The following GPI variants were observed in gnomAD, a reference collection of about 807,000 sequenced individuals.
GPI encodes the protein D-hexose-6-phosphate anomerase.
In GPI, 56 loss-of-function variants were observed where a neutral mutation model predicts 75.8. The observed-to-expected ratio is 0.74, with a 90% CI of 0.60 to 0.92. GPI has a LOEUF of 0.92. Among genes scored for constraint, GPI ranks in the 40% least tolerant of loss-of-function variants. The pLI, the probability that GPI is intolerant of heterozygous loss-of-function variation, is 0.00. For synonymous variants in GPI, 288 were observed against 285.4 expected (o/e 1.01, Z -0.09); for missense variants, 638 against 741.0 (o/e 0.86, Z 1.61).
In GPI at chr19:34,400,102, C is replaced by T. The variant is rs113948644; in HGVS notation, c.*66C>T. On this transcript the variant is annotated 3_prime_UTR_variant, in exon 18 of 18. Coordinates refer to ENST00000356487, the MANE Select transcript of GPI (RefSeq NM_000175.5). ...TCTTCTCGTCCCTCCTCCCCGGAGC[C>T]GGCACTGCATGTTCCTGGACACCAC... is the stretch of plus-strand genomic sequence containing the variant. The T allele has an allele frequency of 1.1e-4, 165 of 1,534,122 alleles. No homozygotes were observed. The highest frequency in any genetic ancestry group is 1.4e-4 in the Non-Finnish European group (154 of 1,121,110).
At chr19:34,362,948 C>A (rs1038366912), upstream of GPI, among the ~76,000 whole-genome samples, 2 of 152,150 alleles carry the variant, frequency 1.3e-5, no homozygotes, top group African/African-American at 4.8e-5. Flanking sequence ...AGACAAAGAA[C>A]AACAGCCGTC....
At chr19:34,366,009 C>T in intron 1 of GPI, 1 of 562,098 alleles carries the variant, frequency 1.8e-6, no homozygotes, top group South Asian at 1.5e-5. Context: ...CTAGACGTCC[C>T]GATGGCCATC....
intron 4 of GPI, among the ~76,000 whole-genome samples, chr19:34,372,379 C>T (rs1261559271): frequency 6.6e-6 from 1 of 152,202 alleles, no homozygotes. Flanking sequence ...CAGTTGCTCA[C>T]ATCTGTAATC....
At chr19:34,367,189 A>G (rs1234457005) in intron 3 of GPI, 3 of 400,676 alleles carry the variant, frequency 7.5e-6, no homozygotes, top group Non-Finnish European at 1.4e-5. Context: ...GAAGAATCTT[A>G]GATCACCAAA....
Position 34,399,767 on chromosome 19 carries a change from A to G in GPI, c.1523A>G (p.Asn508Ser), listed in dbSNP as rs751895535. The G allele has an allele frequency of 3.7e-6, 6 of 1,614,124 alleles. No homozygotes were observed. The highest frequency in any genetic ancestry group is 5.1e-6 in the Non-Finnish European group (6 of 1,180,008). Residue 508 changes from asparagine (N) to serine (S), a missense_variant, in exon 17 of 18, where the codon AAC becomes AGC. Physicochemically the swap from Asn to Ser is conservative, Grantham distance 46. Transcript: ENST00000356487. ...GTTCAGGGCATCATCTGGGACATCA[A>G]CAGCTTTGACCAGTGGGGGTGAGTT... ...IFVQGIIWDINSFDQWGVELG... is the reference protein window; with the variant it reads ...IFVQGIIWDISSFDQWGVELG...
intron 9 of GPI, among the ~76,000 whole-genome samples, chr19:34,385,681 G>A (rs2074724864): frequency 6.6e-6 from 1 of 152,230 alleles, no homozygotes; most frequent in South Asian, 2.1e-4. Context: ...TGGATGAGGT[G>A]TAAGCAGCTG....
At chr19:34,380,325 T>C (rs2074631042) in intron 8 of GPI, among the ~76,000 whole-genome samples, 3 of 148,688 alleles carry the variant, frequency 2.0e-5, no homozygotes, top group Admixed American at 2.0e-4. Context: ...ACTCTGTCAC[T>C]CAGGCTAGAG....
chr19:34,362,163 T>G (rs2145303826), upstream of GPI, among the ~76,000 whole-genome samples: 1 of 148,422 alleles, frequency 6.7e-6, no homozygotes, highest in African/African-American at 2.5e-5. Context: ...GGCGGGTGCC[T>G]GTAACCCCAG....
chr19:34,366,295 C>G (rs773991318), intron 1 of GPI, 50 bp from the exon 2 acceptor site: 18 of 1,221,506 alleles, frequency 1.5e-5, no homozygotes, highest in Non-Finnish European at 1.2e-5. Flanking sequence ...GGCATGGCTC[C>G]CCGCTAGGGA....
At position 34,393,571 on chromosome 19, in the gene GPI, C is replaced by G; in HGVS notation, c.866-157C>G. 1 of 755,890 alleles carries G rather than the reference C, an allele frequency of 1.3e-6. No homozygotes were observed. The highest frequency in any genetic ancestry group is 2.0e-5 in the Admixed American group (1 of 49,970). 46.8% of individuals were successfully genotyped at this position (755,890 alleles called of 1,614,324 possible). On this transcript the variant is annotated intron_variant, in intron 10 of 17. Transcript: ENST00000356487. This position sits in a 1 kb window ranked among gnomAD's most constrained non-coding sequence, Gnocchi z 4.4. ...AGAGTCAGATCCCTGCACTCAGGGC[C>G]ACCTCTCACTGGAGGGGCTTTGTCT...
At chr19:34,364,639 A>G (rs1295512435), upstream of GPI, 2 of 265,114 alleles carry the variant, frequency 7.5e-6, no homozygotes, top group South Asian at 1.6e-4. Flanking sequence ...CGGCCTCCCA[A>G]AGTGATGAGA....
intron 6 of GPI, among the ~76,000 whole-genome samples, 159 bp from the exon 7 acceptor site, chr19:34,378,775 T>A (rs2074592965): frequency 6.6e-6 from 1 of 152,138 alleles, no homozygotes; most frequent in Non-Finnish European, 1.5e-5. Flanking sequence ...TTTAAAGAGC[T>A]GGAATCTCAG....
At chr19:34,364,890 A>G (rs529296537), upstream of GPI, 27 of 1,301,286 alleles carry the variant, frequency 2.1e-5, no homozygotes, top group African/African-American at 3.8e-4. Flanking sequence ...CGACTAGTGC[A>G]CAGGGAGTGC....
At chr19:34,367,817 G>A (rs1306022394) in intron 3 of GPI, among the ~76,000 whole-genome samples, 1 of 152,236 alleles carries the variant, frequency 6.6e-6, no homozygotes. Flanking sequence ...GCAAATCCAA[G>A]GAGCTGAGGA....
rs57568027 is a variant in GPI at position 34,392,882 on chromosome 19, T to C, written c.805-366T>C. ...AGGTATGAGGCCTGGGGTCTGTCCG[T>C]GTCTGAGGAGGTGGGCCCTGGCGCA... On this transcript the variant is annotated intron_variant, in intron 9 of 17. Transcript: ENST00000356487. 1,136 of 353,554 alleles carry C rather than the reference T, an allele frequency of 3.2e-3. 10 individuals carry two copies. The highest frequency in any genetic ancestry group is 0.027 in the African/African-American group (1,065 of 39,836). 21.9% of individuals were successfully genotyped at this position (353,554 alleles called of 1,614,324 possible).
intron 4 of GPI, 97 bp from the exon 5 acceptor site, chr19:34,377,406 C>G: frequency 1.3e-6 from 1 of 797,356 alleles, no homozygotes. Context: ...GGCCTGAAAG[C>G]TGGGACTGAG....
upstream of GPI, chr19:34,359,976 C>G (rs902649147): frequency 8.5e-5 from 13 of 152,372 alleles, no homozygotes; most frequent in African/African-American, 2.7e-4. Context: ...TAAATCTTTG[C>G]TATCCAGAGT....
chr19:34,371,355 T>A (rs1370551754), intron 4 of GPI, among the ~76,000 whole-genome samples: 1 of 152,226 alleles, frequency 6.6e-6, no homozygotes, highest in East Asian at 1.9e-4. Flanking sequence ...TGTACTCATT[T>A]GTCAGGGGAC....
chr19:34,385,402 C>A (rs1298055862), intron 9 of GPI, among the ~76,000 whole-genome samples: 1 of 150,476 alleles, frequency 6.6e-6, no homozygotes, highest in Non-Finnish European at 1.5e-5. Context: ...GGTAGAAGTT[C>A]TTCTCCTGGG....
Sources: allele counts gnomAD v4.1 joint callset (sites outside exome capture counted in the v4.1 genomes callset), GRCh38; gene constraint gnomAD v4.1.1; non-coding constraint Gnocchi (gnomAD v3.1); transcripts MANE v1.5; gene names NCBI Gene and HGNC (gene_info 2026-07-23, HGNC 2026-07-21).